Variants in SLC4A4 observed in about 807,000 individuals in gnomAD.
SLC4A4 encodes the protein solute carrier family 4 member 4.
SLC4A4 carries 27 observed loss-of-function variants against 111.5 expected under a neutral mutation model. The ratio of observed to expected loss-of-function variants is 0.24; its 90% CI spans 0.18 to 0.33. The LOEUF is 0.33. SLC4A4 is among the 10% of genes least tolerant of loss of function. SLC4A4 has a pLI of 1.00. For synonymous variants in SLC4A4, 443 were observed against 463.4 expected (o/e 0.96, Z 0.57); for missense variants, 909 against 1,315.5 (o/e 0.69, Z 4.78).
At chr4:71,483,139 T>C (rs1209298355) in intron 14 of SLC4A4, among the ~76,000 whole-genome samples, 3 of 151,678 alleles carry the variant, frequency 2.0e-5, no homozygotes, top group East Asian at 3.9e-4. Flanking sequence ...TCGGCTTTAT[T>C]GTTTAGACCA....
intron 7 of SLC4A4, among the ~76,000 whole-genome samples, chr4:71,409,005 C>A (rs1178687521): frequency 2.0e-5 from 3 of 152,176 alleles, no homozygotes; most frequent in Non-Finnish European, 4.4e-5. Context: ...TCTGCTTTTG[C>A]TTCTTGCTCA....
At chr4:71,230,454 G>A (rs1219917854) in intron 1 of SLC4A4, among the ~76,000 whole-genome samples, 1 of 152,230 alleles carries the variant, frequency 6.6e-6, no homozygotes, top group Non-Finnish European at 1.5e-5. Flanking sequence ...GTAAAGAACT[G>A]TTTAAACATT....
At chr4:71,485,121 G>T (rs1729251875) in intron 14 of SLC4A4, among the ~76,000 whole-genome samples, 1 of 151,546 alleles carries the variant, frequency 6.6e-6, no homozygotes, top group South Asian at 2.1e-4. Flanking sequence ...CTATTTGGAT[G>T]CCCTTTATTT....
At chr4:71,249,031 A>C (rs1317125611) in intron 2 of SLC4A4, among the ~76,000 whole-genome samples, 1 of 152,098 alleles carries the variant, frequency 6.6e-6, no homozygotes, top group Non-Finnish European at 1.5e-5. Context: ...TCAAATATTA[A>C]ATATTAATAG....
chr4:71,360,221 T>C (rs1314340153), intron 6 of SLC4A4, among the ~76,000 whole-genome samples: 2 of 152,188 alleles, frequency 1.3e-5, no homozygotes, highest in African/African-American at 4.8e-5. Flanking sequence ...TACTGTTAAA[T>C]AGTGTGCCGT....
intron 24 of SLC4A4, among the ~76,000 whole-genome samples, chr4:71,564,385 A>G (rs1365931163): frequency 6.6e-6 from 1 of 151,920 alleles, no homozygotes; most frequent in Non-Finnish European, 1.5e-5. Context: ...AAGTATTAGT[A>G]CAACTTTCTA....
intron 14 of SLC4A4, among the ~76,000 whole-genome samples, chr4:71,476,209 T>A (rs1560541695): frequency 6.6e-6 from 1 of 151,858 alleles, no homozygotes. Flanking sequence ...ATGTTAATAC[T>A]TCTCCATAAC....
In SLC4A4 at chr4:71,399,462, C is replaced by T. The variant is rs1449523182; in HGVS notation, c.807+1809C>T. Among the ~76,000 whole-genome samples, 80 of 131,038 alleles carry T rather than the reference C, an allele frequency of 6.1e-4. 2 individuals carry two copies. The highest frequency in any genetic ancestry group is 1.5e-4 in the Non-Finnish European group (9 of 61,970). The allele number at this position is 131,038 out of a possible 152,430, so 86.0% of individuals were successfully genotyped here. ...CCCTCCCCTTCCGTCCCCTCCCCTC[C>T]GTTCCCCTCCCCTCCCCTCCCCCTC... On this transcript the variant is annotated intron_variant, in intron 7 of 25. Coordinates refer to ENST00000264485, the MANE Select transcript of SLC4A4 (RefSeq NM_001098484.3).
intron 3 of SLC4A4, among the ~76,000 whole-genome samples, chr4:71,322,053 C>A (rs541176142): frequency 4.5e-4 from 69 of 151,994 alleles, no homozygotes; most frequent in Non-Finnish European, 7.8e-4. Flanking sequence ...AAGAAGAAAA[C>A]CTTATTGTAG....
intron 2 of SLC4A4, among the ~76,000 whole-genome samples, chr4:71,150,597 A>G (rs542078402): frequency 6.6e-6 from 1 of 152,288 alleles, no homozygotes; most frequent in Admixed American, 6.5e-5. Context: ...TCAGCATGAC[A>G]AGCAGAAAAG....
At chr4:71,372,012 G>A (rs1001521375) in intron 6 of SLC4A4, among the ~76,000 whole-genome samples, 1 of 152,186 alleles carries the variant, frequency 6.6e-6, no homozygotes, top group East Asian at 1.9e-4. Flanking sequence ...CTGGTCTGAT[G>A]AATTTGATTA....
At chr4:71,130,355 G>C (rs1011652472) in intron 2 of SLC4A4, among the ~76,000 whole-genome samples, 2 of 152,014 alleles carry the variant, frequency 1.3e-5, no homozygotes, top group African/African-American at 2.4e-5. Context: ...TCAGCCTCCT[G>C]AATAGCTGGA....
At chr4:71,159,775 T>C (rs1439937111) in intron 2 of SLC4A4, among the ~76,000 whole-genome samples, 1 of 152,212 alleles carries the variant, frequency 6.6e-6, no homozygotes, top group Non-Finnish European at 1.5e-5. Flanking sequence ...ATACTTTTTG[T>C]AGAGCCCTGT....
intron 2 of SLC4A4, among the ~76,000 whole-genome samples, chr4:71,107,030 C>T (rs998468190): frequency 6.6e-6 from 1 of 151,414 alleles, no homozygotes; most frequent in Non-Finnish European, 1.5e-5. Flanking sequence ...ATTATTATTG[C>T]CACCATGCCC....
intron 2 of SLC4A4, among the ~76,000 whole-genome samples, chr4:71,127,180 G>A (rs1054548467): frequency 1.3e-5 from 2 of 152,206 alleles, no homozygotes; most frequent in Non-Finnish European, 2.9e-5. Flanking sequence ...AGGAATTGTA[G>A]TCAAACGATC....
At chr4:71,329,370 T>G (rs995112018) in intron 3 of SLC4A4, among the ~76,000 whole-genome samples, 1 of 152,078 alleles carries the variant, frequency 6.6e-6, no homozygotes, top group African/African-American at 2.4e-5. Context: ...GTCATTGGTA[T>G]TTTGATAGGG....
At chr4:71,487,116 A>C (rs1008632868) in intron 15 of SLC4A4, 98 bp downstream of exon 15, 2 of 747,914 alleles carry the variant, frequency 2.7e-6, no homozygotes, top group African/African-American at 3.5e-5. Context: ...CCACTCAGCA[A>C]TTCTGGCATG....
At chr4:71,181,938 A>G (rs1745306533) in intron 2 of SLC4A4, among the ~76,000 whole-genome samples, 2 of 152,200 alleles carry the variant, frequency 1.3e-5, no homozygotes, top group African/African-American at 4.8e-5. Context: ...GAGTGCTGTT[A>G]TCATTACAGA....
At chr4:71,129,720 T>A (rs1743651482) in intron 2 of SLC4A4, among the ~76,000 whole-genome samples, 1 of 135,758 alleles carries the variant, frequency 7.4e-6, no homozygotes. Flanking sequence ...TCAACCCAAA[T>A]GCCCATCAGT....
Sources: allele counts gnomAD v4.1 joint callset (sites outside exome capture counted in the v4.1 genomes callset), GRCh38; gene constraint gnomAD v4.1.1; transcripts MANE v1.5; gene names NCBI Gene and HGNC (gene_info 2026-07-23, HGNC 2026-07-21).